Variants in WWOX observed in about 807,000 individuals in gnomAD.
The protein encoded by WWOX is WW domain containing oxidoreductase.
A neutral mutation model predicts 46.2 loss-of-function variants in WWOX; 69 were observed. That is an observed-to-expected ratio of 1.49 (90% CI 1.23 to 1.82). WWOX has a LOEUF of 1.82. Among genes scored for constraint, WWOX ranks in the 40% most tolerant of loss-of-function variants. The pLI, the probability that WWOX is intolerant of heterozygous loss-of-function variation, is 0.00. For missense variants in WWOX, 919 were observed against 542.6 expected, an observed-to-expected ratio of 1.69 and a Z score of -6.89; for synonymous variants, 359 against 202.6, an observed-to-expected ratio of 1.77 and a Z score of -6.56.
chr16:79,001,031 G>A (rs565699051), intron 8 of WWOX, among the ~76,000 whole-genome samples: 3 of 152,320 alleles, frequency 2.0e-5, no homozygotes, highest in South Asian at 2.1e-4. Flanking sequence ...CAGAGTGAGT[G>A]AATGCAGGAA....
At chr16:79,003,566 A>G (rs1597262029) in intron 8 of WWOX, among the ~76,000 whole-genome samples, 2 of 152,120 alleles carry the variant, frequency 1.3e-5, no homozygotes, top group East Asian at 1.9e-4. Context: ...GATGGAGGTC[A>G]TTTAGTGGAA....
intron 4 of WWOX, among the ~76,000 whole-genome samples, chr16:78,144,874 A>C (rs1162488285): frequency 6.6e-6 from 1 of 152,108 alleles, no homozygotes; most frequent in Non-Finnish European, 1.5e-5. Flanking sequence ...AATTTGAAAT[A>C]ATTCTTTTAA....
intron 5 of WWOX, among the ~76,000 whole-genome samples, chr16:78,189,716 G>A (rs965657039): frequency 2.0e-5 from 3 of 152,158 alleles, no homozygotes; most frequent in Non-Finnish European, 2.9e-5. Context: ...GTGCAATGGC[G>A]TGATCTTGGC....
intron 8 of WWOX, among the ~76,000 whole-genome samples, chr16:79,149,755 C>G (rs1257006003): frequency 2.6e-5 from 4 of 152,216 alleles, no homozygotes; most frequent in African/African-American, 9.6e-5. Context: ...CAGCAGGAGA[C>G]CAGACTCCAA....
chr16:78,159,140 T>G lies in WWOX; in HGVS notation c.410-5043T>G, dbSNP rs187785045. ...TTCCTAAGGCTGAATAATATTCCAT[T>G]GTGTGTGTTTGTGTGTGTGTGTGTT... On this transcript the variant is annotated intron_variant, in intron 4 of 8. Coordinates refer to ENST00000566780, the MANE Select transcript of WWOX (RefSeq NM_016373.4). Among the ~76,000 whole-genome samples the G allele has an allele frequency of 5.0e-4, 76 of 151,446 alleles. 1 individual carries two copies. Among genetic ancestry groups the G allele is most frequent in the Non-Finnish European group, 7.4e-5 (5 of 67,486 alleles).
At chr16:78,500,493 G>C (rs1326247167) in intron 8 of WWOX, among the ~76,000 whole-genome samples, 8 of 151,434 alleles carry the variant, frequency 5.3e-5, no homozygotes, top group Admixed American at 3.3e-4. Context: ...GCCGCGTTGG[G>C]TTAACCATGG....
At chr16:78,987,169 T>C (rs935735164) in intron 8 of WWOX, among the ~76,000 whole-genome samples, 1 of 152,044 alleles carries the variant, frequency 6.6e-6, no homozygotes, top group Admixed American at 6.5e-5. Context: ...ACACGGGAGG[T>C]CTTTGAAATT....
At chr16:78,411,881 C>G (rs1284241529) in intron 6 of WWOX, among the ~76,000 whole-genome samples, 1 of 152,138 alleles carries the variant, frequency 6.6e-6, no homozygotes. Flanking sequence ...GGGGACTGTT[C>G]CCAGAGGAGA....
At chr16:78,386,031 C>T (rs985250939) in intron 5 of WWOX, among the ~76,000 whole-genome samples, 3 of 152,310 alleles carry the variant, frequency 2.0e-5, no homozygotes, top group East Asian at 3.9e-4. Context: ...TGCTTCAAAT[C>T]CCGACCTCTC....
At chr16:78,598,553 G>A (rs2045545674) in intron 8 of WWOX, among the ~76,000 whole-genome samples, 1 of 152,176 alleles carries the variant, frequency 6.6e-6, no homozygotes, top group Admixed American at 6.5e-5. Flanking sequence ...ATTTTGACCA[G>A]GCAGGCTCTC....
At chr16:78,388,061 A>AT (rs1414511339) in intron 6 of WWOX, among the ~76,000 whole-genome samples, 2 of 152,142 alleles carry the variant, frequency 1.3e-5, no homozygotes, top group Non-Finnish European at 2.9e-5. Context: ...TTCTCCTTGC[A>AT]TGGCTGTGTC....
Position 79,026,048 on chromosome 16 carries a change from G to A in WWOX, c.1057-185560G>A, listed in dbSNP as rs574802243. 9.9e-4 allele frequency among the ~76,000 whole-genome samples: 150 copies of A among 151,602 alleles called. 3 individuals are homozygous for A. Among genetic ancestry groups the A allele is most frequent in the Admixed American group, 2.4e-3 (36 of 15,256 alleles). On this transcript the variant is annotated intron_variant, in intron 8 of 8. Coordinates refer to ENST00000566780, the MANE Select transcript of WWOX (RefSeq NM_016373.4). ...ATTCCTGGTCCCAGGCGATCTGCCT[G>A]TCTTGGCCTCCCAAAATGCTGGGAT...
At chr16:78,713,605 G>C (rs1197708326) in intron 8 of WWOX, among the ~76,000 whole-genome samples, 1 of 152,164 alleles carries the variant, frequency 6.6e-6, no homozygotes, top group Admixed American at 6.6e-5. Flanking sequence ...TGGATGCACA[G>C]AGACACCAGG....
chr16:78,599,975 G>A (rs1324713453), intron 8 of WWOX, among the ~76,000 whole-genome samples: 2 of 152,118 alleles, frequency 1.3e-5, no homozygotes, highest in Non-Finnish European at 2.9e-5. Context: ...CATAATTTAT[G>A]CAGGAAAGAG....
intron 8 of WWOX, among the ~76,000 whole-genome samples, chr16:78,889,919 C>A (rs950764255): frequency 3.3e-5 from 5 of 152,116 alleles, no homozygotes; most frequent in African/African-American, 7.2e-5. Flanking sequence ...ATAAGTCACC[C>A]AAATTGTTGG....
At chr16:78,722,648 G>T (rs958679683) in intron 8 of WWOX, among the ~76,000 whole-genome samples, 35 of 150,686 alleles carry the variant, frequency 2.3e-4, no homozygotes, top group African/African-American at 8.5e-4. Flanking sequence ...AACAAGAGTA[G>T]AAGAGGGATG....
intron 5 of WWOX, among the ~76,000 whole-genome samples, chr16:78,356,288 A>G (rs767589067): frequency 2.0e-5 from 3 of 150,990 alleles, no homozygotes; most frequent in Non-Finnish European, 2.9e-5. Context: ...TTCTTTTTCT[A>G]GTGTGTGTGT....
chr16:78,727,584 G>A (rs1168083653), intron 8 of WWOX, among the ~76,000 whole-genome samples: 1 of 152,164 alleles, frequency 6.6e-6, no homozygotes. Flanking sequence ...GGGGGCCCTG[G>A]TGCTACTGCT....
chr16:78,955,381 G>C (rs917257414), intron 8 of WWOX, among the ~76,000 whole-genome samples: 1 of 152,150 alleles, frequency 6.6e-6, no homozygotes, highest in Non-Finnish European at 1.5e-5. Context: ...GCAGCACTCA[G>C]GTCAGACTTG....
Sources: allele counts gnomAD v4.1 joint callset (sites outside exome capture counted in the v4.1 genomes callset), GRCh38; gene constraint gnomAD v4.1.1; transcripts MANE v1.5; gene names NCBI Gene and HGNC (gene_info 2026-07-23, HGNC 2026-07-21).